Variants in SNRPD3 observed in about 807,000 individuals in gnomAD.
SNRPD3 encodes the protein small nuclear ribonucleoprotein D3 polypeptide.
For missense variants in SNRPD3, 73 were observed against 167.5 expected (o/e 0.44, Z 3.11); for synonymous variants, 66 against 58.4 (o/e 1.13, Z -0.59).
intron 2 of SNRPD3, among the ~76,000 whole-genome samples, chr22:24,564,698 G>C (rs1390476639): frequency 6.6e-6 from 1 of 152,166 alleles, no homozygotes; most frequent in Non-Finnish European, 1.5e-5. Context: ...ATTAAGTCTT[G>C]TCGGACTTAT....
At chr22:24,570,179 C>T (rs1031258966) in intron 3 of SNRPD3, among the ~76,000 whole-genome samples, 2 of 152,238 alleles carry the variant, frequency 1.3e-5, no homozygotes, top group Admixed American at 6.5e-5. Flanking sequence ...CAGGACCTTT[C>T]TCTGGAGTGA....
chr22:24,555,808 G>C (rs1000070163), upstream of SNRPD3: 33 of 1,547,606 alleles, frequency 2.1e-5, no homozygotes, highest in South Asian at 4.8e-5. Context: ...CGTTGCGGCG[G>C]CCCCCGGGCC....
chr22:24,568,240 C>A (rs933752722), intron 3 of SNRPD3, 64 bp downstream of exon 3: 15 of 1,256,658 alleles, frequency 1.2e-5, no homozygotes, highest in Non-Finnish European at 1.7e-5. Flanking sequence ...AGAAAGGGGC[C>A]CTATTACTGC....
At chr22:24,562,721 A>T (rs958462990) in intron 2 of SNRPD3, among the ~76,000 whole-genome samples, 4 of 152,316 alleles carry the variant, frequency 2.6e-5, no homozygotes, top group East Asian at 3.9e-4. Context: ...CTCTAAAATT[A>T]AAAAAATTCT....
intron 2 of SNRPD3, among the ~76,000 whole-genome samples, chr22:24,561,423 A>G (rs1256467303): frequency 6.6e-6 from 1 of 152,126 alleles, no homozygotes; most frequent in Non-Finnish European, 1.5e-5. Context: ...GGTGCTGGGT[A>G]TTAGGACTTC....
At position 24,563,639 on chromosome 22, in the gene SNRPD3, C is replaced by G. The variant is rs573562117; in HGVS notation, c.127-4345C>G. The stretch of plus-strand genomic sequence containing the variant: ...GCAAATACAGAGAGTAATGGTCAAA[C>G]CCATTTCACTACATTCAAAATGACT... On this transcript the variant is annotated intron_variant, in intron 2 of 3. Transcript: ENST00000215829. Among the ~76,000 whole-genome samples the G allele has an allele frequency of 2.0e-5, 3 of 152,244 alleles. No homozygotes were observed. In the East Asian group the frequency reaches 5.8e-4, roughly 29 times the overall value.
chr22:24,565,397 G>A (rs538244761), intron 2 of SNRPD3, among the ~76,000 whole-genome samples: 1 of 152,282 alleles, frequency 6.6e-6, no homozygotes, highest in South Asian at 2.1e-4. Context: ...GGGGTAACAT[G>A]AGCTGCCGTG....
chr22:24,569,392 A>C (rs2045227818), intron 3 of SNRPD3, among the ~76,000 whole-genome samples: 1 of 152,240 alleles, frequency 6.6e-6, no homozygotes, highest in Non-Finnish European at 1.5e-5. Context: ...AAAGGTTTGC[A>C]GCCAAGGAAG....
intron 2 of SNRPD3, among the ~76,000 whole-genome samples, chr22:24,558,510 T>C (rs1233898691): frequency 6.6e-6 from 1 of 152,222 alleles, no homozygotes; most frequent in African/African-American, 2.4e-5. Flanking sequence ...TTTAGATGTA[T>C]TAACCACTCA....
At chr22:24,564,936 T>C (rs2045183034) in intron 2 of SNRPD3, among the ~76,000 whole-genome samples, 1 of 149,412 alleles carries the variant, frequency 6.7e-6, no homozygotes, top group South Asian at 2.1e-4. Flanking sequence ...CAGGCTGGAA[T>C]GCAGTGTCAT....
upstream of SNRPD3, chr22:24,555,903 G>A: frequency 6.9e-7 from 1 of 1,459,180 alleles, no homozygotes; most frequent in Admixed American, 2.0e-5. Context: ...AGGAGGAAGC[G>A]GAGGCGAGAC....
rs2045104784 is a variant in SNRPD3, at chr22:24,558,801, G to A, written c.126+1001G>A. 1.3e-5 allele frequency among the ~76,000 whole-genome samples: 2 copies of A among 152,186 alleles called. 1 individual carries two copies. The highest frequency in any genetic ancestry group is 4.1e-4 in the South Asian group (2 of 4,824). ...TTGCTCGTTAGAAGAGTCTAGCATG[G>A]GGCAGAAATGGGCGGACTGGCACCC... On this transcript the variant is annotated intron_variant, in intron 2 of 3. Coordinates refer to ENST00000215829, the MANE Select transcript of SNRPD3 (RefSeq NM_004175.5).
In SNRPD3 at chr22:24,567,746, C is replaced by CA. The variant is rs113889996; in HGVS notation, c.127-228dup. 9.5e-4 allele frequency among the ~76,000 whole-genome samples: 78 copies of CA among 82,404 alleles called. 1 individual carries two copies. The highest frequency in any genetic ancestry group is 5.9e-3 in the Middle Eastern group (1 of 170). 54.1% of individuals were successfully genotyped at this position (82,404 alleles called of 152,430 possible). A position where few individuals can be genotyped will look rare whatever the true frequency, so the allele number is the denominator to read the frequency against. On this transcript the variant is annotated intron_variant, in intron 2 of 3. Coordinates refer to ENST00000215829, the MANE Select transcript of SNRPD3 (RefSeq NM_004175.5). Reference sequence around the variant, plus strand: ...GGGCAACAAGAGTGAAACTCCATCTCAAAAAAAAAAGGGGGGGAGCACTCA... The same window carrying CA: ...GGGCAACAAGAGTGAAACTCCATCTCAAAAAAAAAAAGGGGGGGAGCACTCA...
At chr22:24,561,809 C>G (rs2045146833) in intron 2 of SNRPD3, among the ~76,000 whole-genome samples, 1 of 152,086 alleles carries the variant, frequency 6.6e-6, no homozygotes, top group African/African-American at 2.4e-5. Flanking sequence ...TCAAGACCAA[C>G]CTGGGCAACA....
Position 24,566,237 on chromosome 22 carries a change from C to T in SNRPD3, c.127-1747C>T, listed in dbSNP as rs189900307. Among the ~76,000 whole-genome samples the T allele has an allele frequency of 5.7e-3, 873 of 152,278 alleles. 11 individuals carry two copies. The highest frequency in any genetic ancestry group is 6.9e-3 in the Non-Finnish European group (468 of 68,018). ...GCTCTAGAAACCATTCCTCTAGAAA[C>T]TGCTCATATACAACAGGGGCGGCCC... On this transcript the variant is annotated intron_variant, in intron 2 of 3. Transcript: ENST00000215829.
upstream of SNRPD3, chr22:24,555,857 A>G (rs1259935952): frequency 2.4e-5 from 37 of 1,533,102 alleles, no homozygotes; most frequent in Non-Finnish European, 3.2e-5. Flanking sequence ...GAACTATCGT[A>G]CTGGTGCCCT....
chr22:24,574,123 A>G lies in SNRPD3; in HGVS notation c.*2146A>G, dbSNP rs574819006. On this transcript the variant is annotated 3_prime_UTR_variant, in exon 4 of 4. Transcript: ENST00000215829. Reference sequence around the variant, plus strand: ...TGAATTCATCATACTTTTACAGTAAACAGTACTTACTTTGAATAATAACAC... The same window carrying G: ...TGAATTCATCATACTTTTACAGTAAGCAGTACTTACTTTGAATAATAACAC... 3.3e-4 allele frequency among the ~76,000 whole-genome samples: 51 copies of G among 152,332 alleles called. No homozygotes were observed. The highest frequency in any genetic ancestry group is 1.2e-3 in the African/African-American group (48 of 41,576).
rs1488015989 is a variant in SNRPD3, at chr22:24,574,747, GC to G, written c.*2773del. On this transcript the variant is annotated 3_prime_UTR_variant, in exon 4 of 4. Coordinates refer to ENST00000215829, the MANE Select transcript of SNRPD3 (RefSeq NM_004175.5). The stretch of plus-strand genomic sequence containing the variant: ...TGTAGAGACAGGGTTTTGCCATGTT[GC>G]CCAAGCTGGTCTTGAACTCCGGGGC... 6.6e-6 allele frequency among the ~76,000 whole-genome samples: 1 copy of G among 152,102 alleles called. No homozygotes were observed. The highest frequency in any genetic ancestry group is 1.5e-5 in the Non-Finnish European group (1 of 68,016).
At chr22:24,557,523 T>C (rs921103574) in intron 1 of SNRPD3, 134 bp from the exon 2 acceptor site, 8 of 620,500 alleles carry the variant, frequency 1.3e-5, no homozygotes, top group South Asian at 7.6e-5. Flanking sequence ...TTTTTTTTTT[T>C]CCTTGGTAGA....
Sources: allele counts gnomAD v4.1 joint callset (sites outside exome capture counted in the v4.1 genomes callset), GRCh38; gene constraint gnomAD v4.1.1; transcripts MANE v1.5; gene names NCBI Gene and HGNC (gene_info 2026-07-23, HGNC 2026-07-21).